AOPEP: variants seen among roughly 807,000 people sequenced by gnomAD.
The protein encoded by AOPEP is aminopeptidase O (putative).
Under a neutral mutation model 98.1 loss-of-function variants are expected in AOPEP, and 77 were observed. That is an observed-to-expected ratio of 0.78 (90% confidence interval 0.65 to 0.95). The LOEUF is 0.95. AOPEP is among the 40% of genes least tolerant of loss of function. The probability of loss-of-function intolerance (pLI) is 0.00; values close to 1 mark genes in which losing one functional copy is unlikely to be tolerated. For missense variants in AOPEP, 1,024 were observed against 1,024.7 expected (o/e 1.00, Z 0.01); for synonymous variants, 346 against 365.3 (o/e 0.95, Z 0.60).
intron 5 of AOPEP, among the ~76,000 whole-genome samples, chr9:94,835,403 T>C (rs2041465989): frequency 6.6e-6 from 1 of 152,352 alleles, no homozygotes; most frequent in African/African-American, 2.4e-5. Flanking sequence ...TATTTTCTTT[T>C]ATTCTGCATA....
At position 95,005,201 on chromosome 9, in the gene AOPEP, C is replaced by T. The variant is rs759135311; in HGVS notation, c.2021C>T (p.Ala674Val). Residue 674 changes from alanine to valine, a missense_variant, in exon 12 of 17, where the codon GCG becomes GTG. Around this residue, in one of 3 missense-constraint regions of AOPEP, gnomAD observed 566 missense variants for 551.7 expected, o/e 1.03. Coordinates refer to ENST00000375315, the MANE Select transcript of AOPEP (RefSeq NM_001193329.3). Reference sequence around the variant, plus strand: ...CGCGCCGGGGCGGAGTGCGGGCTTGCGCGGCAAGTGCGCGCCGAGGTGAGT... The same window carrying T: ...CGCGCCGGGGCGGAGTGCGGGCTTGTGCGGCAAGTGCGCGCCGAGGTGAGT... ...ERRAGAECGL[A>V]RQVRAEVTKW... The T allele has an allele frequency of 6.2e-6, 7 of 1,134,678 alleles. No homozygotes were observed. The East Asian group carries it at 2.0e-4, about 32-fold the overall frequency. The allele number at this position is 1,134,678 out of a possible 1,614,324, so 70.3% of individuals were successfully genotyped here.
At chr9:95,101,617 C>G in the AOPEP span, 1 of 1,542,784 alleles carries the variant, frequency 6.5e-7, no homozygotes, top group Non-Finnish European at 8.9e-7. Context: ...GCACTTACTC[C>G]ACAAATGCGT....
At chr9:94,889,532 G>C (rs930533172) in intron 5 of AOPEP, among the ~76,000 whole-genome samples, 3 of 152,056 alleles carry the variant, frequency 2.0e-5, no homozygotes, top group Non-Finnish European at 4.4e-5. Flanking sequence ...CTATCACCCA[G>C]GCTGGAGTGC....
chr9:94,907,622 C>G (rs1044207414), intron 5 of AOPEP, among the ~76,000 whole-genome samples: 4 of 151,938 alleles, frequency 2.6e-5, no homozygotes, highest in Admixed American at 6.6e-5. Context: ...ACCAGTCTTC[C>G]CCAGAGCCTC....
At chr9:94,756,426 T>A (rs1837067319) in intron 1 of AOPEP, among the ~76,000 whole-genome samples, 1 of 151,986 alleles carries the variant, frequency 6.6e-6, no homozygotes, top group Non-Finnish European at 1.5e-5. Context: ...TAGATGAGTG[T>A]GGTGGCATGC....
the AOPEP span, chr9:95,101,317 G>C: frequency 3.0e-6 from 1 of 338,418 alleles, no homozygotes; most frequent in Admixed American, 4.4e-5. Flanking sequence ...ATTCTTTAAT[G>C]GTTCATGACC....
the AOPEP span, among the ~76,000 whole-genome samples, chr9:95,097,144 T>C: frequency 1.3e-5 from 2 of 152,206 alleles, no homozygotes; most frequent in African/African-American, 2.4e-5. Flanking sequence ...CAGATTTAGG[T>C]GCCTACAAAA....
At chr9:94,997,023 G>C (rs564428187) in intron 11 of AOPEP, among the ~76,000 whole-genome samples, 7 of 152,198 alleles carry the variant, frequency 4.6e-5, no homozygotes, top group East Asian at 3.8e-4. Flanking sequence ...ATCTACAGAT[G>C]ATGAGTTGGA....
At chr9:95,107,721 G>A in the AOPEP span, among the ~76,000 whole-genome samples, 1 of 152,142 alleles carries the variant, frequency 6.6e-6, no homozygotes, top group South Asian at 2.1e-4. Flanking sequence ...TTGGGGGTCA[G>A]GGCGGGGGGT....
intron 1 of AOPEP, among the ~76,000 whole-genome samples, chr9:94,743,728 C>T (rs1308543146): frequency 1.3e-5 from 2 of 151,954 alleles, no homozygotes; most frequent in African/African-American, 2.4e-5. Context: ...GGGAGTGGAC[C>T]CGGGGGTGAG....
chr9:95,086,871 G>A lies in AOPEP; in HGVS notation c.*194G>A, dbSNP rs554680802. 10 of 987,828 alleles carry A rather than the reference G, an allele frequency of 1.0e-5. No individual in the cohort carries two copies. Among genetic ancestry groups the A allele is most frequent in the African/African-American group, 1.7e-5 (1 of 57,296 alleles). 61.2% of individuals were successfully genotyped at this position (987,828 alleles called of 1,614,324 possible). ...AGGCACACACAAAAGGCAGATTCTC[G>A]TAAACGCAGCCTCCCTCCCTGGAGG... On this transcript the variant is annotated 3_prime_UTR_variant, in exon 17 of 17. Transcript: ENST00000375315.
intron 16 of AOPEP, among the ~76,000 whole-genome samples, chr9:95,083,923 T>C (rs1361905103): frequency 1.3e-5 from 2 of 152,246 alleles, no homozygotes; most frequent in African/African-American, 4.8e-5. Flanking sequence ...CTGTTAGATT[T>C]ACTTCCTAGC....
intron 9 of AOPEP, among the ~76,000 whole-genome samples, chr9:94,960,767 C>T (rs1250648074): frequency 6.6e-6 from 1 of 151,984 alleles, no homozygotes; most frequent in Non-Finnish European, 1.5e-5. Flanking sequence ...AATCCCAGCA[C>T]TTGGGGAGGC....
Position 94,850,653 on chromosome 9 carries a change from T to C in AOPEP, c.1364+49651T>C, listed in dbSNP as rs1010274360. Among the ~76,000 whole-genome samples the C allele has an allele frequency of 5.3e-5, 8 of 152,226 alleles. No homozygotes were observed. In the East Asian group the frequency reaches 1.3e-3, roughly 26 times the overall value. On this transcript the variant is annotated intron_variant, in intron 5 of 16. Transcript: ENST00000375315. ...GATGCTGTACAGCCTCTTTCTGATATGAGGCAAACGCTATTGGTTGCCTAC... is the reference window on the plus strand; with the variant it reads ...GATGCTGTACAGCCTCTTTCTGATACGAGGCAAACGCTATTGGTTGCCTAC...
the AOPEP span, among the ~76,000 whole-genome samples, chr9:95,133,166 C>A: frequency 6.6e-6 from 1 of 152,246 alleles, no homozygotes; most frequent in Non-Finnish European, 1.5e-5. Context: ...GTTACCCCTG[C>A]AATCACTTAG....
chr9:95,037,473 C>T (rs537265840), intron 13 of AOPEP, among the ~76,000 whole-genome samples: 156 of 152,338 alleles, frequency 1.0e-3, no homozygotes, highest in African/African-American at 3.7e-3. Context: ...TTATAGTATA[C>T]AAGCACCAAA....
intron 10 of AOPEP, among the ~76,000 whole-genome samples, chr9:94,978,006 A>G (rs2059955075): frequency 6.6e-6 from 1 of 152,132 alleles, no homozygotes; most frequent in South Asian, 2.1e-4. Context: ...TGAGCGACCA[A>G]TAGGGGGAAA....
chr9:94,979,367 G>T lies in AOPEP; in HGVS notation c.1917G>T (p.Arg639Ser), dbSNP rs755909550. 1.9e-6 allele frequency: 3 copies of T among 1,597,246 alleles called. No individual in the cohort carries two copies. The South Asian group carries it at 3.4e-5, about 18-fold the overall frequency. The stretch of plus-strand genomic sequence containing the variant: ...ACTTTTTGTTGTTTTATTTCTAAAG[G>T]CTTGAGCTGTCTGTTGAAAACATCT... Reference protein sequence around the residue: ...MLLENIPEEKRLELSVENIYQ... With the variant: ...MLLENIPEEKSLELSVENIYQ... Residue 639 changes from arginine to serine, a missense_variant and splice_region_variant, in exon 11 of 17, where the codon AGG becomes AGT. Around this residue, in one of 3 missense-constraint regions of AOPEP, gnomAD observed 566 missense variants for 551.7 expected, o/e 1.03. Transcript: ENST00000375315.
At chr9:95,133,368 G>A in the AOPEP span, among the ~76,000 whole-genome samples, 4 of 152,198 alleles carry the variant, frequency 2.6e-5, no homozygotes, top group Admixed American at 2.0e-4. Flanking sequence ...ACACCCTCTA[G>A]AATCCCCCTT....
Sources: gnomAD v4.1 joint callset for allele counts (sites outside exome capture counted in the v4.1 genomes callset) on GRCh38, gnomAD v4.1.1 for gene constraint, gnomAD v4.1.1 regional missense constraint, MANE v1.5 for transcripts, NCBI Gene and HGNC (gene_info 2026-07-23, HGNC 2026-07-21) for gene names.